MCM3AP: variants seen among roughly 807,000 people sequenced by gnomAD.
MCM3AP encodes germinal-center associated nuclear protein.
MCM3AP carries 126 observed loss-of-function variants against 184.1 expected under a neutral mutation model. The observed-to-expected ratio is 0.68, with a 90% confidence interval of 0.59 to 0.79. The LOEUF (loss-of-function observed/expected upper bound fraction) is 0.79, where lower values mean the gene tolerates loss of function less well. MCM3AP is among the 30% of genes least tolerant of loss of function. The pLI is 0.00. For missense variants in MCM3AP, 2,496 were observed against 2,479.2 expected, an observed-to-expected ratio of 1.01 and a Z score of -0.14; for synonymous variants, 1,002 against 979.3, an observed-to-expected ratio of 1.02 and a Z score of -0.43.
chr21:46,249,412 T>G (rs1316888505), intron 20 of MCM3AP, among the ~76,000 whole-genome samples: 1 of 151,964 alleles, frequency 6.6e-6, no homozygotes, highest in Non-Finnish European at 1.5e-5. Context: ...GGTCTCGAAC[T>G]CCTGCACTCA....
rs1440240351 is a variant in MCM3AP, at chr21:46,240,892, A to G, written c.5552T>C (p.Leu1851Pro). ...QEGRIPSTED[L>P]MRGASAEELL... is the part of the protein sequence containing the mutation. ...CTCCTCAGCAGAAGCTCCTCGCATC[A>G]GATCCTCTGTGCTGGGAATCCTCCC... is the stretch of plus-strand genomic sequence containing the variant. The change falls in exon 26 of 28, where the codon CTG (leucine) becomes CCG (proline). Residue 1851 changes from leucine (L) to proline (P), a missense_variant. Physicochemically the swap from Leu to Pro is moderately conservative, Grantham distance 98. This residue lies in a region of MCM3AP where 1,323 missense variants were observed against 1,273.4 expected (regional missense o/e 1.04). Coordinates refer to ENST00000291688, the MANE Select transcript of MCM3AP (RefSeq NM_003906.5). The G allele has an allele frequency of 8.7e-6, 14 of 1,614,102 alleles. No individual in the cohort carries two copies. In the Admixed American group the frequency reaches 2.3e-4, roughly 27 times the overall value.
chr21:46,286,216 G>C (rs915603678), upstream of MCM3AP: 3 of 152,288 alleles, frequency 2.0e-5, no homozygotes, highest in African/African-American at 7.2e-5. Context: ...TGAGGCGCAA[G>C]CACAGGCTGC....
chr21:46,257,074 A>T, intron 16 of MCM3AP, 88 bp from the exon 17 acceptor site: 5 of 1,504,180 alleles, frequency 3.3e-6, no homozygotes, highest in Non-Finnish European at 4.5e-6. Context: ...GGCATGGGGA[A>T]GGAAGGACAT....
Position 46,260,792 on chromosome 21 carries a change from C to T in MCM3AP, c.3581+1G>A, listed in dbSNP as rs1269017821. The T allele has an allele frequency of 6.2e-7, 1 of 1,609,818 alleles. No homozygotes were observed. The highest frequency in any genetic ancestry group is 8.5e-7 in the Non-Finnish European group (1 of 1,176,004). On this transcript the variant is annotated splice_donor_variant, in intron 15 of 27. Coordinates refer to ENST00000291688, the MANE Select transcript of MCM3AP (RefSeq NM_003906.5). LOFTEE classifies it high-confidence loss of function. ...CAGCAAGACACCAGCGTTTCACTTA[C>T]TTCAACTCCTGGGAGCAGGTTTCCC...
chr21:46,284,305 G>C lies in MCM3AP; in HGVS notation c.982C>G (p.Arg328Gly). Residue 328 changes from arginine (R) to glycine (G), a missense_variant, in exon 1 of 28, where the codon CGC (arginine) becomes GGC (glycine). By Grantham distance (125) the Arg-to-Gly change is moderately radical (BLOSUM62 -2). Coordinates refer to ENST00000291688, the MANE Select transcript of MCM3AP (RefSeq NM_003906.5). ...GTACCTCCCCGGGGTCGATTCAGGC[G>C]GACAGGTCGTTTGTCTGGAGGATGA... ...GDHPPDKRPVRLNRPRGGTLF... is the reference protein window; with the variant it reads ...GDHPPDKRPVGLNRPRGGTLF... 1 of 1,614,206 alleles carries C rather than the reference G, an allele frequency of 6.2e-7. No individual in the cohort carries two copies. Among genetic ancestry groups the C allele is most frequent in the Non-Finnish European group, 8.5e-7 (1 of 1,180,054 alleles).
intron 3 of MCM3AP, 111 bp from the exon 4 acceptor site, chr21:46,280,248 T>G: frequency 8.1e-7 from 1 of 1,238,550 alleles, no homozygotes; most frequent in East Asian, 2.3e-5. Flanking sequence ...CACAGGAGGT[T>G]AGAGAAGAGC....
intron 2 of MCM3AP, 103 bp downstream of exon 2, chr21:46,283,512 A>C: frequency 1.4e-6 from 1 of 706,222 alleles, no homozygotes. Context: ...TACTTTCTCT[A>C]TATTATAGTA....
chr21:46,244,646 A>T, intron 23 of MCM3AP, 161 bp downstream of exon 23: 1 of 766,662 alleles, frequency 1.3e-6, no homozygotes, highest in Non-Finnish European at 2.1e-6. Flanking sequence ...AACCCAAAGG[A>T]CCAAAGGAAG....
At chr21:46,242,716 T>G in intron 25 of MCM3AP, 86 bp downstream of exon 25, 2 of 1,376,952 alleles carry the variant, frequency 1.5e-6, no homozygotes, top group Non-Finnish European at 2.0e-6. Context: ...GGACTGGATT[T>G]GGCATGTAGG....
chr21:46,254,678 G>A, intron 18 of MCM3AP, 98 bp downstream of exon 18: 3 of 1,422,936 alleles, frequency 2.1e-6, no homozygotes, highest in Non-Finnish European at 3.0e-6. Context: ...GCTCATCGAA[G>A]AGACCTCAGT....
rs372674728 is a variant in MCM3AP at position 46,236,988 on chromosome 21, A to G, written c.5634-9T>C. ...GAAGCTGATCTTCAAACCTGAAACAATATGTAATAAATTCAAAAATATTTG... is the reference window on the plus strand; with the variant it reads ...GAAGCTGATCTTCAAACCTGAAACAGTATGTAATAAATTCAAAAATATTTG... On this transcript the variant is annotated splice_polypyrimidine_tract_variant and intron_variant, in intron 26 of 27. Coordinates refer to ENST00000291688, the MANE Select transcript of MCM3AP (RefSeq NM_003906.5). 6.7e-7 allele frequency: 1 copy of G among 1,489,104 alleles called. No homozygotes were observed. Among genetic ancestry groups the G allele is most frequent in the South Asian group, 1.4e-5 (1 of 69,546 alleles). 92.2% of individuals were successfully genotyped at this position (1,489,104 alleles called of 1,614,324 possible).
At chr21:46,259,687 C>T (rs561257084) in intron 15 of MCM3AP, among the ~76,000 whole-genome samples, 10 of 151,568 alleles carry the variant, frequency 6.6e-5, no homozygotes, top group South Asian at 2.1e-4. Flanking sequence ...CCAGGGCAGG[C>T]GGATCACGAG....
In MCM3AP at chr21:46,283,832, A is replaced by G. The variant is rs145552585; in HGVS notation, c.1226T>C (p.Leu409Pro). 633 of 1,612,318 alleles carry G rather than the reference A, an allele frequency of 3.9e-4. 1 individual carries two copies. Among genetic ancestry groups the G allele is most frequent in the Admixed American group, 5.3e-4 (32 of 60,020 alleles). ...TESREKKEDS[L>P]RGTPARQSNR... ...ACTCTGACGCGCCGGAGTTCCTCTT[A>G]GAGAATCTAGGGGTTCAGAGAATGG... Residue 409 changes from leucine (L) to proline (P), a missense_variant, in exon 2 of 28, where the codon CTA becomes CCA. This residue lies in a region of MCM3AP where 800 missense variants were observed against 717.1 expected (regional missense o/e 1.12). Transcript: ENST00000291688.
At chr21:46,235,985 G>C (rs1452687918) in intron 27 of MCM3AP, among the ~76,000 whole-genome samples, 1 of 152,186 alleles carries the variant, frequency 6.6e-6, no homozygotes, top group East Asian at 1.9e-4. Context: ...TCTATCACAT[G>C]AATGTGTTAT....
intron 9 of MCM3AP, chr21:46,267,785 A>T (rs537624790): frequency 6.6e-6 from 1 of 152,484 alleles, no homozygotes; most frequent in South Asian, 2.1e-4. Context: ...TGGTCCCAGC[A>T]ACATGGGAGG....
At chr21:46,266,410 C>G in intron 10 of MCM3AP, 1 of 392,240 alleles carries the variant, frequency 2.5e-6, no homozygotes. Flanking sequence ...CTGGCTCACC[C>G]AAAACCGTCT....
In MCM3AP at chr21:46,267,013, G is replaced by A. The variant is rs1569072849; in HGVS notation, c.2758C>T (p.Leu920Phe). ...FRDCEEATDFLTCHGLTVSDG... is the reference protein window; with the variant it reads ...FRDCEEATDFFTCHGLTVSDG... Reference sequence around the variant, plus strand: ...GAAACGGTGAGGCCGTGGCAGGTGAGGAAGTCGGTGGCCTCTTCACAGTCT... The same window carrying A: ...GAAACGGTGAGGCCGTGGCAGGTGAAGAAGTCGGTGGCCTCTTCACAGTCT... Residue 920 changes from leucine (L) to phenylalanine (F), a missense_variant, in exon 10 of 28, where the codon CTC (leucine) becomes TTC (phenylalanine). Around this residue, in one of 5 missense-constraint regions of MCM3AP, gnomAD observed 138 missense variants for 191.9 expected, o/e 0.72. Coordinates refer to ENST00000291688, the MANE Select transcript of MCM3AP (RefSeq NM_003906.5). 6.2e-7 allele frequency: 1 copy of A among 1,614,174 alleles called. No homozygotes were observed. The highest frequency in any genetic ancestry group is 8.5e-7 in the Non-Finnish European group (1 of 1,180,028).
At chr21:46,280,698 G>C (rs948969461) in intron 2 of MCM3AP, 123 bp from the exon 3 acceptor site, 1 of 659,130 alleles carries the variant, frequency 1.5e-6, no homozygotes, top group Admixed American at 2.6e-5. Flanking sequence ...CCTGTCCTTT[G>C]CACGACAGTG....
At chr21:46,235,454 G>A (rs367676898) in intron 27 of MCM3AP, 28 bp from the exon 28 acceptor site, 5 of 1,606,194 alleles carry the variant, frequency 3.1e-6, no homozygotes, top group Non-Finnish European at 3.4e-6. Flanking sequence ...AAACTGAACA[G>A]TTTTGGGATG....
Sources: gnomAD v4.1 joint callset for allele counts (sites outside exome capture counted in the v4.1 genomes callset) on GRCh38, gnomAD v4.1.1 for gene constraint, gnomAD v4.1.1 regional missense constraint, MANE v1.5 for transcripts, NCBI Gene and HGNC (gene_info 2026-07-23, HGNC 2026-07-21) for gene names.